The following STK39 variants were observed in gnomAD, a reference collection of about 807,000 sequenced individuals.
The protein encoded by STK39 is STE20/SPS1-related proline-alanine-rich protein kinase.
In STK39, 20 loss-of-function variants were observed where a neutral mutation model predicts 77.8. The observed-to-expected ratio is 0.26, with a 90% confidence interval of 0.18 to 0.37. The LOEUF is 0.37. Among genes scored for constraint, STK39 ranks in the 10% least tolerant of loss-of-function variants. The pLI, the probability that STK39 is intolerant of heterozygous loss-of-function variation, is 1.00. For synonymous variants in STK39, 246 were observed against 234.1 expected (o/e 1.05, Z -0.47); for missense variants, 479 against 656.5 (o/e 0.73, Z 2.95).
chr2:168,132,140 G>C (rs951650897), intron 8 of STK39, among the ~76,000 whole-genome samples: 2 of 152,060 alleles, frequency 1.3e-5, no homozygotes, highest in Admixed American at 1.3e-4. Flanking sequence ...TCATGTTTGG[G>C]AACCTCACAA....
chr2:168,095,367 G>A (rs1371371285), intron 10 of STK39, among the ~76,000 whole-genome samples: 1 of 152,018 alleles, frequency 6.6e-6, no homozygotes, highest in Non-Finnish European at 1.5e-5. Flanking sequence ...AATTCACCTA[G>A]GTCATGTGTT....
chr2:168,177,708 T>C (rs971508565), intron 2 of STK39, among the ~76,000 whole-genome samples: 9 of 152,152 alleles, frequency 5.9e-5, no homozygotes, highest in African/African-American at 1.9e-4. Context: ...ATCCCTAGCC[T>C]TTGAGGTTGA....
chr2:168,170,157 T>G (rs891682139), intron 2 of STK39, among the ~76,000 whole-genome samples: 9 of 152,214 alleles, frequency 5.9e-5, no homozygotes, highest in Non-Finnish European at 1.3e-4. Context: ...ACTAGAAATC[T>G]TTCCACAAAA....
chr2:168,032,580 A>T (rs1337425765), intron 14 of STK39, among the ~76,000 whole-genome samples: 1 of 152,332 alleles, frequency 6.6e-6, no homozygotes, highest in East Asian at 1.9e-4. Context: ...TTGAGTAAAA[A>T]TTTAATAAAG....
chr2:167,993,952 G>A (rs1478625413), intron 16 of STK39, among the ~76,000 whole-genome samples: 1 of 152,208 alleles, frequency 6.6e-6, no homozygotes, highest in Non-Finnish European at 1.5e-5. Context: ...AATAGGCTAA[G>A]GGCAAATGGA....
intron 10 of STK39, among the ~76,000 whole-genome samples, chr2:168,076,939 G>A (rs1049430858): frequency 6.6e-6 from 1 of 152,132 alleles, no homozygotes; most frequent in East Asian, 1.9e-4. Flanking sequence ...TCATTTTAAT[G>A]CTTGCAGAAA....
At chr2:168,179,226 A>G (rs35929607) in intron 2 of STK39, among the ~76,000 whole-genome samples, 41,164 of 152,054 alleles carry the variant, frequency 0.27, 6,359 homozygotes, top group East Asian at 0.56. Context: ...TTAGGATACC[A>G]GATGTCCAAA....
intron 14 of STK39, among the ~76,000 whole-genome samples, chr2:168,030,039 G>A (rs1684794917): frequency 6.6e-6 from 1 of 152,120 alleles, no homozygotes; most frequent in Non-Finnish European, 1.5e-5. Flanking sequence ...AGGAGATAGA[G>A]ACCATCCTGG....
chr2:167,973,108 CTAAT>C (rs1284535142), intron 16 of STK39, among the ~76,000 whole-genome samples: 2 of 152,118 alleles, frequency 1.3e-5, no homozygotes, highest in African/African-American at 4.8e-5. Context: ...TAAAAGAGCT[CTAAT>C]TAATTGGCTT....
intron 16 of STK39, among the ~76,000 whole-genome samples, chr2:168,001,448 G>T (rs1343518474): frequency 2.6e-5 from 4 of 151,778 alleles, no homozygotes; most frequent in Non-Finnish European, 4.4e-5. Flanking sequence ...CAACCTTTTG[G>T]ATGCTAAACT....
At chr2:168,152,901 C>T (rs1351982161) in intron 5 of STK39, among the ~76,000 whole-genome samples, 1 of 152,142 alleles carries the variant, frequency 6.6e-6, no homozygotes, top group African/African-American at 2.4e-5. Context: ...TTAAACAAAT[C>T]TTCACTCAAC....
intron 14 of STK39, among the ~76,000 whole-genome samples, chr2:168,025,528 A>G (rs1684673151): frequency 3.3e-5 from 5 of 152,228 alleles, no homozygotes; most frequent in Admixed American, 3.3e-4. Context: ...TGAATAAGTA[A>G]AGAGTATTTC....
intron 1 of STK39, among the ~76,000 whole-genome samples, chr2:168,243,472 GT>G (rs1422299253): frequency 1.3e-5 from 2 of 152,156 alleles, no homozygotes; most frequent in African/African-American, 4.8e-5. Context: ...ATGGCAATTT[GT>G]TACTTTTAGG....
intron 10 of STK39, among the ~76,000 whole-genome samples, chr2:168,098,233 T>C (rs1369526164): frequency 2.0e-5 from 3 of 152,204 alleles, no homozygotes; most frequent in Non-Finnish European, 4.4e-5. Flanking sequence ...TAATCAAATA[T>C]CTGTTGCATG....
At chr2:167,979,144 A>G (rs1683353174) in intron 16 of STK39, among the ~76,000 whole-genome samples, 1 of 152,240 alleles carries the variant, frequency 6.6e-6, no homozygotes, top group Admixed American at 6.5e-5. Context: ...ACATTCATGT[A>G]CAAATCTTTG....
intron 4 of STK39, among the ~76,000 whole-genome samples, chr2:168,162,218 G>A (rs1256177767): frequency 2.7e-5 from 4 of 150,634 alleles, no homozygotes; most frequent in Non-Finnish European, 5.9e-5. Flanking sequence ...CCTGGGAGGT[G>A]GAGGCTGCAG....
intron 10 of STK39, among the ~76,000 whole-genome samples, chr2:168,113,962 T>C (rs571656653): frequency 1.1e-3 from 166 of 152,360 alleles, no homozygotes; most frequent in African/African-American, 3.9e-3. Flanking sequence ...TTACCAAAAA[T>C]GTTTACTTTG....
At chr2:167,971,142 C>G (rs140826332) in intron 16 of STK39, among the ~76,000 whole-genome samples, 1 of 151,286 alleles carries the variant, frequency 6.6e-6, no homozygotes, top group Non-Finnish European at 1.5e-5. Context: ...TCTCTCGGAG[C>G]GGCTGGAGAT....
chr2:168,105,581 G>C (rs1398813874), intron 10 of STK39, among the ~76,000 whole-genome samples: 1 of 152,120 alleles, frequency 6.6e-6, no homozygotes, highest in African/African-American at 2.4e-5. Context: ...AGGCGGACAA[G>C]GTGCAGCTGT....
Sources: gnomAD v4.1 joint callset for allele counts (sites outside exome capture counted in the v4.1 genomes callset) on GRCh38, gnomAD v4.1.1 for gene constraint, MANE v1.5 for transcripts, NCBI Gene and HGNC (gene_info 2026-07-23, HGNC 2026-07-21) for gene names.